MIGA2: variants seen among roughly 807,000 people sequenced by gnomAD.
MIGA2 encodes the protein family with sequence similarity 73, member B.
A neutral mutation model predicts 69.9 loss-of-function variants in MIGA2; 36 were observed. The observed-to-expected ratio is 0.52, with a 90% CI of 0.39 to 0.68. MIGA2 has a LOEUF of 0.68. Ranked by LOEUF, MIGA2 falls within the 30% of genes least tolerant of loss-of-function variation. The probability of loss-of-function intolerance (pLI) is 0.00; values close to 1 mark genes in which losing one functional copy is unlikely to be tolerated. For missense variants in MIGA2, 660 were observed against 787.7 expected (o/e 0.84, Z 1.94); for synonymous variants, 333 against 349.2 (o/e 0.95, Z 0.52).
chr9:129,067,708 C>T lies in MIGA2; in HGVS notation c.1171-65C>T, dbSNP rs112292380. 3.4e-6 allele frequency: 5 copies of T among 1,482,238 alleles called. No individual in the cohort carries two copies. The Admixed American group carries it at 7.8e-5, about 23-fold the overall frequency. 91.8% of individuals were successfully genotyped at this position (1,482,238 alleles called of 1,614,324 possible). A position where few individuals can be genotyped will look rare whatever the true frequency, so the allele number is the denominator to read the frequency against. ...GCCGTGCCTTGGCATGTCCCCCATC[C>T]ACAGGCCAGCCTGTCCCTGTGGGTC... On this transcript the variant is annotated intron_variant, in intron 11 of 15. Transcript: ENST00000684074.
At chr9:129,067,511 G>A (rs1846423781) in intron 11 of MIGA2, 2 of 479,886 alleles carry the variant, frequency 4.2e-6, no homozygotes, top group Non-Finnish European at 7.5e-6. Flanking sequence ...TCCCTCCAAA[G>A]TGAGATCACA....
chr9:129,049,986 C>T lies in MIGA2; in HGVS notation c.675+23C>T, dbSNP rs528124589. On this transcript the variant is annotated intron_variant, in intron 6 of 15. Coordinates refer to ENST00000684074, the MANE Select transcript of MIGA2 (RefSeq NM_001329990.2). ...GAGGTAGGTGGTCTTCTGCATCCCC[C>T]TACGCCCATGGGATAAAGTTGGCAG... is the stretch of plus-strand genomic sequence containing the variant. 3.1e-6 allele frequency: 5 copies of T among 1,596,714 alleles called. No homozygotes were observed. The South Asian group carries it at 5.5e-5, about 18-fold the overall frequency.
At position 129,040,409 on chromosome 9, in the gene MIGA2, C is replaced by T. The variant is rs117837310; in HGVS notation, c.-143-43C>T. The T allele has an allele frequency of 6.7e-4, 882 of 1,323,076 alleles. 12 individuals carry two copies. The East Asian group carries it at 0.022, about 33-fold the overall frequency. 82.0% of individuals were successfully genotyped at this position (1,323,076 alleles called of 1,614,324 possible). On this transcript the variant is annotated intron_variant, in intron 1 of 15. Transcript: ENST00000684074. ...TCTTGAGTGCATTTCTGCATGTTCC[C>T]GTGTGCACGTTCTCTTATCTGACTT...
chr9:129,039,376 GC>G (rs1175600190), intron 1 of MIGA2, among the ~76,000 whole-genome samples: 1 of 151,720 alleles, frequency 6.6e-6, no homozygotes, highest in Non-Finnish European at 1.5e-5. Flanking sequence ...CTTCCGCGTA[GC>G]TGTGATTACA....
intron 6 of MIGA2, among the ~76,000 whole-genome samples, chr9:129,055,146 T>A (rs1055920851): frequency 6.6e-6 from 1 of 151,650 alleles, no homozygotes; most frequent in Non-Finnish European, 1.5e-5. Flanking sequence ...GGCGCGATCT[T>A]GGCTCACTGC....
Position 129,049,963 on chromosome 9 carries a change from G to A in MIGA2, c.675G>A (p.Glu225=), listed in dbSNP as rs1845433397. The A allele has an allele frequency of 6.2e-7, 1 of 1,610,810 alleles. No homozygotes were observed. Among genetic ancestry groups the A allele is most frequent in the African/African-American group, 1.3e-5 (1 of 74,754 alleles). The part of the protein sequence containing the change: ...NPETASEPLS[E]PESQRKEFAE... Reference sequence around the variant, plus strand: ...AGACTGCATCAGAGCCACTGTCTGAGGTAGGTGGTCTTCTGCATCCCCCTA... The same window carrying A: ...AGACTGCATCAGAGCCACTGTCTGAAGTAGGTGGTCTTCTGCATCCCCCTA... Residue 225 remains glutamate, a splice_region_variant and synonymous_variant, in exon 6 of 16, where the codon GAG becomes GAA. Coordinates refer to ENST00000684074, the MANE Select transcript of MIGA2 (RefSeq NM_001329990.2).
chr9:129,063,688 C>T, intron 11 of MIGA2, 57 bp downstream of exon 11: 1 of 1,575,818 alleles, frequency 6.3e-7, no homozygotes. Flanking sequence ...AGAGGGTCCC[C>T]CTGAACCCCA....
rs745347946 is a variant in MIGA2 at position 129,068,344 on chromosome 9, C to T, written c.1404+12C>T. The T allele has an allele frequency of 1.9e-6, 3 of 1,600,152 alleles. No individual in the cohort carries two copies. The highest frequency in any genetic ancestry group is 2.2e-5 in the East Asian group (1 of 44,828). On this transcript the variant is annotated intron_variant, in intron 13 of 15. Coordinates refer to ENST00000684074, the MANE Select transcript of MIGA2 (RefSeq NM_001329990.2). This position sits in a 1 kb window ranked among gnomAD's most constrained non-coding sequence, Gnocchi z 4.1. ...GCTTCAAGGAGACGGTGGGTCACTG[C>T]CCTGCTCTCAGACCCACACTTGCTC... is the stretch of plus-strand genomic sequence containing the variant.
At chr9:129,040,780 C>G (rs1300275231) in intron 2 of MIGA2, 90 bp downstream of exon 2, 4 of 1,222,090 alleles carry the variant, frequency 3.3e-6, no homozygotes, top group South Asian at 1.5e-5. Context: ...GCTGAGCCCT[C>G]GTTCTTGCTT....
At chr9:129,063,204 C>T (rs375889487) in intron 9 of MIGA2, 40 bp from the exon 10 acceptor site, 6 of 1,609,854 alleles carry the variant, frequency 3.7e-6, no homozygotes, top group Non-Finnish European at 5.1e-6. Context: ...CATCGCTGGG[C>T]AGGGACCAGG....
intron 11 of MIGA2, 92 bp from the exon 12 acceptor site, chr9:129,067,681 C>T (rs999567629): frequency 8.5e-7 from 1 of 1,183,328 alleles, no homozygotes; most frequent in Non-Finnish European, 1.2e-6. Context: ...GGATGGGCCC[C>T]AGCCGTGCCT....
chr9:129,049,934 C>A lies in MIGA2; in HGVS notation c.646C>A (p.Pro216Thr), dbSNP rs1274359426. 1 of 1,613,620 alleles carries A rather than the reference C, an allele frequency of 6.2e-7. No individual in the cohort carries two copies. The highest frequency in any genetic ancestry group is 8.5e-7 in the Non-Finnish European group (1 of 1,179,932). Reference protein sequence around the residue: ...TPMPRDGLRNPETASEPLSEP... With the variant: ...TPMPRDGLRNTETASEPLSEP... ...CATGCCCAGGGACGGCCTCCGGAAC[C>A]CAGAGACTGCATCAGAGCCACTGTC... Residue 216 changes from proline to threonine, a missense_variant, in exon 6 of 16, where the codon CCA becomes ACA. This residue lies in a region of MIGA2 where 386 missense variants were observed against 402.0 expected (regional missense o/e 0.96). Coordinates refer to ENST00000684074, the MANE Select transcript of MIGA2 (RefSeq NM_001329990.2).
rs991779282 is a variant in MIGA2 at position 129,061,842 on chromosome 9, G to A, written c.1010+496G>A. Among the ~76,000 whole-genome samples the A allele has an allele frequency of 6.6e-6, 1 of 152,218 alleles. No homozygotes were observed. Among genetic ancestry groups the A allele is most frequent in the African/African-American group, 2.4e-5 (1 of 41,462 alleles). On this transcript the variant is annotated intron_variant, in intron 9 of 15. Transcript: ENST00000684074. This position sits in a 1 kb window ranked among gnomAD's most constrained non-coding sequence, Gnocchi z 5.0. Reference sequence around the variant, plus strand: ...GTAGGAGAGGTCAGGTACCCAGGCTGTGGGGACAGACAGGCCCAGACTCCA... The same window carrying A: ...GTAGGAGAGGTCAGGTACCCAGGCTATGGGGACAGACAGGCCCAGACTCCA...
chr9:129,062,676 TCTA>T (rs1228049466), intron 9 of MIGA2, among the ~76,000 whole-genome samples: 3 of 151,406 alleles, frequency 2.0e-5, no homozygotes, highest in Non-Finnish European at 2.9e-5. Context: ...AAACCCCGTC[TCTA>T]CTAAAAATAC....
At position 129,068,588 on chromosome 9, in the gene MIGA2, A is replaced by G; in HGVS notation, c.1404+256A>G. The G allele has an allele frequency of 4.0e-6, 2 of 504,974 alleles. No homozygotes were observed. Among genetic ancestry groups the G allele is most frequent in the Non-Finnish European group, 7.1e-6 (2 of 281,822 alleles). The allele number at this position is 504,974 out of a possible 1,614,324, so 31.3% of individuals were successfully genotyped here. Reference sequence around the variant, plus strand: ...TGTGTGGTTTTACTTTTGTGCTGGTATGAATTCGATTCCATTTTAATGCAT... The same window carrying G: ...TGTGTGGTTTTACTTTTGTGCTGGTGTGAATTCGATTCCATTTTAATGCAT... On this transcript the variant is annotated intron_variant, in intron 13 of 15. Coordinates refer to ENST00000684074, the MANE Select transcript of MIGA2 (RefSeq NM_001329990.2). This position sits in a 1 kb window ranked among gnomAD's most constrained non-coding sequence, Gnocchi z 4.1.
At chr9:129,062,842 T>TAA in intron 9 of MIGA2, among the ~76,000 whole-genome samples, 1 of 141,746 alleles carries the variant, frequency 7.1e-6, no homozygotes, top group Admixed American at 7.0e-5. Context: ...AGACTCCGTC[T>TAA]AAAAAAAAAA....
Position 129,071,083 on chromosome 9 carries a change from A to T in MIGA2, c.*630A>T, listed in dbSNP as rs1392309230. On this transcript the variant is annotated 3_prime_UTR_variant, in exon 16 of 16. Coordinates refer to ENST00000684074, the MANE Select transcript of MIGA2 (RefSeq NM_001329990.2). Reference sequence around the variant, plus strand: ...TTGACATTCCCTCGCCCTACCAAAGATCGTCTTTTCTCCTCCCACCTCTGT... The same window carrying T: ...TTGACATTCCCTCGCCCTACCAAAGTTCGTCTTTTCTCCTCCCACCTCTGT... The T allele has an allele frequency of 6.6e-6, 1 of 152,544 alleles. No homozygotes were observed. Among genetic ancestry groups the T allele is most frequent in the Admixed American group, 6.5e-5 (1 of 15,286 alleles). The allele number at this position is 152,544 out of a possible 1,614,324, so 9.4% of individuals were successfully genotyped here.
chr9:129,051,492 G>A (rs1349864332), intron 6 of MIGA2: 2 of 148,454 alleles, frequency 1.3e-5, no homozygotes, highest in South Asian at 2.1e-4. Context: ...TGGCCAGAAT[G>A]ATCTCCATCT....
chr9:129,059,617 T>A lies in MIGA2; in HGVS notation c.793+346T>A, dbSNP rs571303695. ...GTCCTTTCCTGTGGCTCAAACTGGGTGGGTGGATGGAGTGACTCACGGGAG... is the reference window on the plus strand; with the variant it reads ...GTCCTTTCCTGTGGCTCAAACTGGGAGGGTGGATGGAGTGACTCACGGGAG... On this transcript the variant is annotated intron_variant, in intron 7 of 15. Transcript: ENST00000684074. The surrounding 1 kb of genome is among the most constrained non-coding windows in gnomAD (Gnocchi z 5.6). Among the ~76,000 whole-genome samples the A allele has an allele frequency of 5.9e-5, 9 of 152,202 alleles. No homozygotes were observed. The highest frequency in any genetic ancestry group is 6.5e-5 in the Admixed American group (1 of 15,282).
Sources: gnomAD v4.1 joint callset for allele counts (sites outside exome capture counted in the v4.1 genomes callset) on GRCh38, gnomAD v4.1.1 for gene constraint, gnomAD v4.1.1 regional missense constraint, Gnocchi (gnomAD v3.1) non-coding constraint, MANE v1.5 for transcripts, NCBI Gene and HGNC (gene_info 2026-07-23, HGNC 2026-07-21) for gene names.